The following FOXN3 variants were observed in gnomAD, a reference collection of about 807,000 sequenced individuals.
The protein encoded by FOXN3 is forkhead box N3.
A neutral mutation model predicts 38.4 loss-of-function variants in FOXN3; 7 were observed. That is an observed-to-expected ratio of 0.18 (90% confidence interval 0.10 to 0.34). The LOEUF (loss-of-function observed/expected upper bound fraction) is 0.34, where lower values mean the gene tolerates loss of function less well. Among genes scored for constraint, FOXN3 ranks in the 10% least tolerant of loss-of-function variants. The pLI is 1.00. For synonymous variants in FOXN3, 230 were observed against 242.2 expected, an observed-to-expected ratio of 0.95 and a Z score of 0.47; for missense variants, 456 against 613.4, an observed-to-expected ratio of 0.74 and a Z score of 2.71.
intron 1 of FOXN3, chr14:89,486,540 T>C (rs185045932): frequency 6.6e-6 from 1 of 152,314 alleles, no homozygotes; most frequent in Admixed American, 6.5e-5. Context: ...ACGTAAAGCA[T>C]GGCGAGCTGG....
chr14:89,231,386 C>G (rs957912098), intron 4 of FOXN3, among the ~76,000 whole-genome samples: 3 of 152,188 alleles, frequency 2.0e-5, no homozygotes, highest in South Asian at 4.1e-4. Context: ...GTTGGCCACA[C>G]AGCATTCTGG....
rs369406449 is a variant in FOXN3 at position 89,281,657 on chromosome 14, CAA to C, written c.681-645_681-644del. 1.8e-3 allele frequency among the ~76,000 whole-genome samples: 281 copies of C among 152,266 alleles called. 1 individual carries two copies. Among genetic ancestry groups the C allele is most frequent in the African/African-American group, 6.5e-3 (268 of 41,526 alleles). ...GAAAATAGGAGAGATCAATATATCA[CAA>C]AGACACTTACCGCATTCATAGATGA... On this transcript the variant is annotated intron_variant, in intron 3 of 5. Transcript: ENST00000557258.
chr14:89,486,951 A>G (rs1380919963), intron 1 of FOXN3, among the ~76,000 whole-genome samples: 1 of 152,188 alleles, frequency 6.6e-6, no homozygotes, highest in Admixed American at 6.5e-5. Context: ...TACAACTGCC[A>G]TTGAGACATT....
intron 4 of FOXN3, among the ~76,000 whole-genome samples, chr14:89,255,270 C>T (rs899589030): frequency 2.6e-5 from 4 of 152,196 alleles, no homozygotes; most frequent in Admixed American, 6.5e-5. Context: ...TTCACAAATG[C>T]GGCATTTCAA....
intron 1 of FOXN3, among the ~76,000 whole-genome samples, chr14:89,496,689 T>G (rs1893689884): frequency 6.6e-6 from 1 of 152,298 alleles, no homozygotes; most frequent in African/African-American, 2.4e-5. Context: ...TTTAAGTGTA[T>G]AGTTCAGTGG....
chr14:89,487,840 G>C (rs979576482), intron 1 of FOXN3, among the ~76,000 whole-genome samples: 6 of 152,152 alleles, frequency 3.9e-5, no homozygotes, highest in African/African-American at 1.4e-4. Flanking sequence ...TGTTTGGGGT[G>C]AGGAGTGGGG....
At chr14:89,277,121 T>C (rs1211114794) in intron 4 of FOXN3, among the ~76,000 whole-genome samples, 1 of 152,024 alleles carries the variant, frequency 6.6e-6, no homozygotes, top group Non-Finnish European at 1.5e-5. Context: ...GACAGGGAGT[T>C]TGGAAATGGG....
intron 1 of FOXN3, among the ~76,000 whole-genome samples, chr14:89,613,139 A>AAAAAAC: frequency 6.9e-6 from 1 of 144,588 alleles, no homozygotes; most frequent in African/African-American, 2.5e-5. Flanking sequence ...AAAAAAAAAA[A>AAAAAAC]AACTCTTACA....
intron 3 of FOXN3, among the ~76,000 whole-genome samples, chr14:89,346,922 CTA>C (rs1888774530): frequency 1.3e-5 from 2 of 152,120 alleles, no homozygotes; most frequent in African/African-American, 4.8e-5. Context: ...TAATCCAACA[CTA>C]TGTTATTTAT....
chr14:89,424,303 G>A lies in FOXN3; in HGVS notation c.-14-11813C>T, dbSNP rs571686995. Among the ~76,000 whole-genome samples, 97 of 152,280 alleles carry A rather than the reference G, an allele frequency of 6.4e-4. 1 individual carries two copies. Among genetic ancestry groups the A allele is most frequent in the Middle Eastern group, 6.8e-3 (2 of 294 alleles). On this transcript the variant is annotated intron_variant, in intron 1 of 6. Transcript: ENST00000345097. The stretch of plus-strand genomic sequence containing the variant: ...TTTGCAAAGATTTCATAAAGTAAGA[G>A]TTTAGGGGAAAATGAATATGTTGGC...
At chr14:89,428,285 C>A (rs1463896636) in intron 1 of FOXN3, among the ~76,000 whole-genome samples, 1 of 152,198 alleles carries the variant, frequency 6.6e-6, no homozygotes, top group Non-Finnish European at 1.5e-5. Context: ...AGTCTCTTTT[C>A]ATTGGCTAGT....
chr14:89,265,606 A>G (rs572717839), intron 4 of FOXN3, among the ~76,000 whole-genome samples: 59 of 152,320 alleles, frequency 3.9e-4, no homozygotes, highest in African/African-American at 1.3e-3. Context: ...AGCCAGGGTT[A>G]ATGCCTAAAA....
chr14:89,476,559 T>C (rs1893213377), intron 1 of FOXN3, among the ~76,000 whole-genome samples: 3 of 152,354 alleles, frequency 2.0e-5, no homozygotes, highest in South Asian at 2.1e-4. Flanking sequence ...TGGGAGTTCA[T>C]ATGCACACAT....
At chr14:89,347,619 GGAA>G (rs1383164327) in intron 3 of FOXN3, among the ~76,000 whole-genome samples, 3 of 152,232 alleles carry the variant, frequency 2.0e-5, no homozygotes, top group African/African-American at 7.2e-5. Flanking sequence ...AAGCAGGTGT[GGAA>G]GAACATCCTA....
chr14:89,346,357 A>C (rs1036313755), intron 3 of FOXN3, among the ~76,000 whole-genome samples: 1 of 152,186 alleles, frequency 6.6e-6, no homozygotes, highest in Non-Finnish European at 1.5e-5. Context: ...ATCATAGGAC[A>C]CATTTGCTCA....
chr14:89,236,429 G>C (rs1340649353), intron 4 of FOXN3, among the ~76,000 whole-genome samples: 1 of 152,184 alleles, frequency 6.6e-6, no homozygotes, highest in Non-Finnish European at 1.5e-5. Flanking sequence ...GCAGGAGAAT[G>C]GGGTGAACCC....
At position 89,379,680 on chromosome 14, in the gene FOXN3, G is replaced by A. The variant is rs146838265; in HGVS notation, c.544-28872C>T. Among the ~76,000 whole-genome samples the A allele has an allele frequency of 8.7e-3, 1,315 of 151,704 alleles. 30 individuals are homozygous for A. Among genetic ancestry groups the A allele is most frequent in the African/African-American group, 0.03 (1,234 of 41,354 alleles). ...CATTATTATTATTGAGATGAGTTTC[G>A]CTCTTTCGCCCAGGCTGGAGTGAAG... On this transcript the variant is annotated intron_variant, in intron 2 of 5. Coordinates refer to ENST00000557258, the MANE Select transcript of FOXN3 (RefSeq NM_005197.4).
At chr14:89,605,522 A>C (rs757315977) in intron 1 of FOXN3, among the ~76,000 whole-genome samples, 9 of 152,248 alleles carry the variant, frequency 5.9e-5, no homozygotes, top group Non-Finnish European at 1.0e-4. Flanking sequence ...AAATGAAGAA[A>C]TAAATTAGAA....
chr14:89,282,853 T>C (rs1886504148), intron 3 of FOXN3, among the ~76,000 whole-genome samples: 1 of 152,192 alleles, frequency 6.6e-6, no homozygotes, highest in Admixed American at 6.5e-5. Context: ...ATAAATCCAG[T>C]GGTTTAGATA....
Sources: gnomAD v4.1 joint callset for allele counts (sites outside exome capture counted in the v4.1 genomes callset) on GRCh38, gnomAD v4.1.1 for gene constraint, MANE v1.5 for transcripts, NCBI Gene and HGNC (gene_info 2026-07-23, HGNC 2026-07-21) for gene names.